CNTN5: variants seen among roughly 807,000 people sequenced by gnomAD.
CNTN5 encodes contactin 5.
Under a neutral mutation model 129.1 loss-of-function variants are expected in CNTN5, and 77 were observed. The observed-to-expected ratio is 0.60, with a 90% CI of 0.50 to 0.72. CNTN5 has a LOEUF of 0.72. Ranked by LOEUF, CNTN5 falls within the 30% of genes least tolerant of loss-of-function variation. The pLI, the probability that CNTN5 is intolerant of heterozygous loss-of-function variation, is 0.00. For missense variants in CNTN5, 1,478 were observed against 1,328.8 expected (o/e 1.11, Z -1.75); for synonymous variants, 509 against 465.6 (o/e 1.09, Z -1.20).
At chr11:100,293,030 G>A (rs1157693389) in intron 18 of CNTN5, among the ~76,000 whole-genome samples, 1 of 151,876 alleles carries the variant, frequency 6.6e-6, no homozygotes, top group Non-Finnish European at 1.5e-5. Context: ...GAGACACAAT[G>A]GAATATTATT....
chr11:99,518,369 A>T (rs1225824348), intron 2 of CNTN5, among the ~76,000 whole-genome samples: 1 of 152,150 alleles, frequency 6.6e-6, no homozygotes, highest in Non-Finnish European at 1.5e-5. Context: ...CAGAGCAAGT[A>T]TATATAGAAA....
intron 8 of CNTN5, among the ~76,000 whole-genome samples, chr11:99,986,099 T>C (rs894116995): frequency 6.6e-6 from 1 of 152,124 alleles, no homozygotes; most frequent in Non-Finnish European, 1.5e-5. Flanking sequence ...GACCTCTCAT[T>C]CCTTTTATCA....
chr11:100,079,122 C>T (rs750131527), intron 13 of CNTN5, among the ~76,000 whole-genome samples: 5 of 152,100 alleles, frequency 3.3e-5, no homozygotes, highest in Admixed American at 6.6e-5. Context: ...ATACCACTCC[C>T]GTGATTCAGT....
At chr11:99,367,221 C>A (rs1939508490) in intron 2 of CNTN5, among the ~76,000 whole-genome samples, 1 of 152,094 alleles carries the variant, frequency 6.6e-6, no homozygotes, top group Non-Finnish European at 1.5e-5. Context: ...AACATAGGGG[C>A]TGCTGTCAGT....
intron 4 of CNTN5, 105 bp downstream of exon 4, chr11:99,819,870 A>C: frequency 1.3e-6 from 1 of 746,404 alleles, no homozygotes; most frequent in Non-Finnish European, 2.2e-6. Context: ...GGAGAGAGTG[A>C]TTGAACTCAA....
rs546572946 is a variant in CNTN5, at chr11:99,065,778, GA to G, written c.-210+44519del. 7.6e-3 allele frequency among the ~76,000 whole-genome samples: 1,026 copies of G among 135,088 alleles called. 4 individuals are homozygous for G. The highest frequency in any genetic ancestry group is 0.014 in the Admixed American group (195 of 13,716). 88.6% of individuals were successfully genotyped at this position (135,088 alleles called of 152,430 possible). ...CTTTATGTGACAAAAAGGAAAAGAA[GA>G]AAAAAAAAAAGCTTGATTCTTTTTA... On this transcript the variant is annotated intron_variant, in intron 1 of 24. Coordinates refer to ENST00000524871, the MANE Select transcript of CNTN5 (RefSeq NM_014361.4).
At chr11:99,525,337 A>G (rs1317623483) in intron 2 of CNTN5, among the ~76,000 whole-genome samples, 1 of 152,228 alleles carries the variant, frequency 6.6e-6, no homozygotes, top group Non-Finnish European at 1.5e-5. Flanking sequence ...AGAGACTTCC[A>G]GGTGCTGCTA....
At chr11:100,329,743 G>A (rs989155765) in intron 21 of CNTN5, among the ~76,000 whole-genome samples, 2 of 152,184 alleles carry the variant, frequency 1.3e-5, no homozygotes, top group African/African-American at 2.4e-5. Flanking sequence ...CTATGGTTCA[G>A]TTCTCAGGAA....
At chr11:99,361,443 A>G (rs1939104899) in intron 2 of CNTN5, among the ~76,000 whole-genome samples, 1 of 152,168 alleles carries the variant, frequency 6.6e-6, no homozygotes, top group Non-Finnish European at 1.5e-5. Context: ...CTGTGATTTG[A>G]TCATATCAGG....
chr11:100,020,775 A>C (rs1941099611), intron 9 of CNTN5, among the ~76,000 whole-genome samples: 2 of 152,152 alleles, frequency 1.3e-5, no homozygotes, highest in Admixed American at 1.3e-4. Flanking sequence ...GTTTCTGTAC[A>C]CTAACAACAA....
chr11:99,218,167 T>C (rs991441457), intron 1 of CNTN5, among the ~76,000 whole-genome samples: 3 of 152,110 alleles, frequency 2.0e-5, no homozygotes, highest in Admixed American at 6.6e-5. Flanking sequence ...TGTATGAAGG[T>C]TATTTTCGTA....
At chr11:99,297,631 G>A (rs1864448443) in intron 1 of CNTN5, among the ~76,000 whole-genome samples, 1 of 151,978 alleles carries the variant, frequency 6.6e-6, no homozygotes, top group African/African-American at 2.4e-5. Flanking sequence ...CTGCCTTCCG[G>A]GCCTAATGAA....
intron 1 of CNTN5, among the ~76,000 whole-genome samples, chr11:99,314,534 C>G (rs765858404): frequency 6.6e-6 from 1 of 151,912 alleles, no homozygotes; most frequent in Non-Finnish European, 1.5e-5. Context: ...ATTTTACTGT[C>G]TAGACAAAGG....
At chr11:100,001,991 G>T (rs778486111) in intron 8 of CNTN5, 43 bp from the exon 9 acceptor site, 2 of 1,316,556 alleles carry the variant, frequency 1.5e-6, no homozygotes, top group Admixed American at 4.9e-5. Context: ...GAAACAAATT[G>T]TAACATTCAT....
intron 13 of CNTN5, among the ~76,000 whole-genome samples, chr11:100,124,300 A>T (rs1222152332): frequency 1.3e-5 from 2 of 152,064 alleles, no homozygotes; most frequent in Non-Finnish European, 2.9e-5. Flanking sequence ...TATAAGATTA[A>T]CATCCCCTTT....
chr11:100,116,939 G>T (rs1445141502), intron 13 of CNTN5, among the ~76,000 whole-genome samples: 1 of 151,988 alleles, frequency 6.6e-6, no homozygotes. Flanking sequence ...TGCCTGCCTT[G>T]AAAGAACATC....
chr11:100,253,052 T>C (rs1014282831), intron 16 of CNTN5, among the ~76,000 whole-genome samples: 1 of 152,158 alleles, frequency 6.6e-6, no homozygotes. Flanking sequence ...AAGGAAGTGA[T>C]AGTGGCCACC....
intron 9 of CNTN5, among the ~76,000 whole-genome samples, chr11:100,008,610 T>C (rs1379043574): frequency 6.6e-6 from 1 of 152,100 alleles, no homozygotes. Flanking sequence ...CTGAATGTAA[T>C]ATTACACCTT....
intron 13 of CNTN5, among the ~76,000 whole-genome samples, chr11:100,145,610 G>A (rs1158512991): frequency 1.3e-5 from 2 of 152,058 alleles, no homozygotes; most frequent in African/African-American, 4.8e-5. Flanking sequence ...AAAGTGCTTT[G>A]CCATCATTGT....
Sources: allele counts gnomAD v4.1 joint callset (sites outside exome capture counted in the v4.1 genomes callset), GRCh38; gene constraint gnomAD v4.1.1; transcripts MANE v1.5; gene names NCBI Gene and HGNC (gene_info 2026-07-23, HGNC 2026-07-21).